The following SAMD12 variants were observed in gnomAD, a reference collection of about 807,000 sequenced individuals.
SAMD12 encodes sterile alpha motif domain-containing protein 12.
SAMD12 carries 9 observed loss-of-function variants against 15.0 expected under a neutral mutation model. That is an observed-to-expected ratio of 0.60 (90% CI 0.36 to 1.05). SAMD12 has a LOEUF of 1.05. SAMD12 is among the 50% of genes least tolerant of loss of function. The pLI, the probability that SAMD12 is intolerant of heterozygous loss-of-function variation, is 0.01. For missense variants in SAMD12, 230 were observed against 234.2 expected (o/e 0.98, Z 0.12); for synonymous variants, 86 against 90.1 (o/e 0.96, Z 0.25).
At chr8:118,426,729 T>G (rs1438769769) in intron 3 of SAMD12, among the ~76,000 whole-genome samples, 1 of 152,192 alleles carries the variant, frequency 6.6e-6, no homozygotes, top group African/African-American at 2.4e-5. Flanking sequence ...GCCTACAAAT[T>G]GGTGCTGTTC....
intron 3 of SAMD12, among the ~76,000 whole-genome samples, chr8:118,438,715 A>G (rs1005211673): frequency 6.6e-6 from 1 of 152,204 alleles, no homozygotes; most frequent in Non-Finnish European, 1.5e-5. Flanking sequence ...AATAGGAGTG[A>G]ACAGAACAAG....
intron 4 of SAMD12, among the ~76,000 whole-genome samples, chr8:118,304,391 A>G (rs1815200526): frequency 6.6e-6 from 1 of 152,190 alleles, no homozygotes; most frequent in South Asian, 2.1e-4. Context: ...GTCAGCTTCT[A>G]TTATTTCATT....
chr8:118,299,943 A>C (rs1171573066), intron 4 of SAMD12, among the ~76,000 whole-genome samples: 1 of 152,182 alleles, frequency 6.6e-6, no homozygotes, highest in Non-Finnish European at 1.5e-5. Flanking sequence ...TGATGACATG[A>C]AAATCATGGG....
the SAMD12 span, among the ~76,000 whole-genome samples, chr8:118,169,112 T>C: frequency 6.6e-6 from 1 of 152,198 alleles, no homozygotes; most frequent in Non-Finnish European, 1.5e-5. Flanking sequence ...GCTCACTACC[T>C]GGGTGACAGG....
intron 2 of SAMD12, among the ~76,000 whole-genome samples, chr8:118,475,305 C>T (rs752636142): frequency 1.3e-5 from 2 of 152,138 alleles, no homozygotes; most frequent in Non-Finnish European, 2.9e-5. Flanking sequence ...GTCTCTCTCA[C>T]GATGTGATCT....
chr8:118,209,132 A>G (rs1223298835), intron 4 of SAMD12, among the ~76,000 whole-genome samples: 1 of 152,210 alleles, frequency 6.6e-6, no homozygotes, highest in Non-Finnish European at 1.5e-5. Context: ...AGGATTCTGA[A>G]GACAGTCTCC....
rs1424147207 is a variant in SAMD12 at position 118,569,599 on chromosome 8, ATGATG to A, written c.192+11111_192+11115del. On this transcript the variant is annotated intron_variant, in intron 2 of 3. Coordinates refer to ENST00000314727, the MANE Select transcript of SAMD12 (RefSeq NM_207506.3). ...CTTTGAGAGGTAATTACGGGTTTAG[ATGATG>A]TCAATGAGGGTGGAGGGCCCCATGA... is the stretch of plus-strand genomic sequence containing the variant. 1.9e-4 allele frequency among the ~76,000 whole-genome samples: 29 copies of A among 152,274 alleles called. No homozygotes were observed. In the South Asian group the frequency reaches 5.8e-3, roughly 31 times the overall value.
intron 4 of SAMD12, among the ~76,000 whole-genome samples, chr8:118,306,828 C>G (rs531382810): frequency 3.3e-5 from 5 of 152,266 alleles, no homozygotes; most frequent in African/African-American, 1.2e-4. Flanking sequence ...AAGCAAGGTC[C>G]TTGATCTTCC....
At chr8:118,481,562 C>T (rs1419653413) in intron 2 of SAMD12, among the ~76,000 whole-genome samples, 1 of 152,120 alleles carries the variant, frequency 6.6e-6, no homozygotes, top group South Asian at 2.1e-4. Context: ...AAGATCCTAA[C>T]AGGCTTTGTA....
At chr8:118,370,350 T>C (rs1819024204) in intron 4 of SAMD12, among the ~76,000 whole-genome samples, 1 of 152,192 alleles carries the variant, frequency 6.6e-6, no homozygotes, top group Non-Finnish European at 1.5e-5. Flanking sequence ...TGCAAATTAG[T>C]TGAACCATTG....
the SAMD12 span, among the ~76,000 whole-genome samples, chr8:118,182,660 A>G: frequency 6.6e-6 from 1 of 152,258 alleles, no homozygotes; most frequent in Admixed American, 6.5e-5. Context: ...GCCTGAAATT[A>G]TACCATGTGA....
At chr8:118,153,300 A>T in the SAMD12 span, among the ~76,000 whole-genome samples, 792 of 83,800 alleles carry the variant, frequency 9.5e-3, 5 homozygotes, top group African/African-American at 0.028. Context: ...CCTAATAGGG[A>T]TGAGTGAAGA....
chr8:118,164,826 C>T, the SAMD12 span, among the ~76,000 whole-genome samples: 3 of 150,740 alleles, frequency 2.0e-5, no homozygotes, highest in African/African-American at 4.9e-5. Context: ...TATATATATA[C>T]ACACATATAT....
exon 5 of SAMD12, chr8:118,197,510 C>T: frequency 1.6e-6 from 1 of 630,450 alleles, no homozygotes; most frequent in Non-Finnish European, 2.9e-6. Context: ...ATATTATGCA[C>T]CTCATTTTAA....
At position 118,583,254 on chromosome 8, in the gene SAMD12, G is replaced by C. The variant is rs146260074; in HGVS notation, c.14-2361C>G. ...CCAACAACAATGCCCACTTTAGGCAGTGCTGGAAAGAGAACTTAGTAGCCA... is the reference window on the plus strand; with the variant it reads ...CCAACAACAATGCCCACTTTAGGCACTGCTGGAAAGAGAACTTAGTAGCCA... On this transcript the variant is annotated intron_variant, in intron 1 of 3. Coordinates refer to ENST00000314727, the MANE Select transcript of SAMD12 (RefSeq NM_207506.3). Among the ~76,000 whole-genome samples the C allele has an allele frequency of 2.2e-3, 328 of 152,306 alleles. 3 individuals are homozygous for C. The highest frequency in any genetic ancestry group is 0.019 in the Admixed American group (290 of 15,290).
chr8:118,264,031 T>C (rs191740890), intron 4 of SAMD12, among the ~76,000 whole-genome samples: 190 of 152,250 alleles, frequency 1.2e-3, no homozygotes, highest in African/African-American at 4.3e-3. Flanking sequence ...CATTCTGTTG[T>C]TTCTAAACAT....
At chr8:118,553,657 G>T (rs1311384105) in intron 2 of SAMD12, among the ~76,000 whole-genome samples, 2 of 150,398 alleles carry the variant, frequency 1.3e-5, no homozygotes, top group Admixed American at 1.3e-4. Flanking sequence ...AAAAGCAATG[G>T]CAACAAAAGC....
At chr8:118,570,964 T>C (rs1282724132) in intron 2 of SAMD12, among the ~76,000 whole-genome samples, 2 of 152,202 alleles carry the variant, frequency 1.3e-5, no homozygotes, top group Non-Finnish European at 2.9e-5. Flanking sequence ...TTGTTCCTCC[T>C]TACCTTCCGC....
chr8:118,278,677 C>A (rs1813530615), intron 4 of SAMD12, among the ~76,000 whole-genome samples: 1 of 152,292 alleles, frequency 6.6e-6, no homozygotes, highest in Middle Eastern at 3.4e-3. Context: ...CTAGAGCCAG[C>A]CCACTCTCAA....
Sources: allele counts gnomAD v4.1 joint callset (sites outside exome capture counted in the v4.1 genomes callset), GRCh38; gene constraint gnomAD v4.1.1; transcripts MANE v1.5; gene names NCBI Gene and HGNC (gene_info 2026-07-23, HGNC 2026-07-21).